The following PPP2R2C variants were observed in gnomAD, a reference collection of about 807,000 sequenced individuals.
PPP2R2C encodes protein phosphatase 2, regulatory subunit B, gamma.
PPP2R2C carries 10 observed loss-of-function variants against 45.3 expected under a neutral mutation model. That is an observed-to-expected ratio of 0.22 (90% CI 0.14 to 0.37). The LOEUF (loss-of-function observed/expected upper bound fraction) is 0.37. Ranked by LOEUF, PPP2R2C falls within the 10% of genes least tolerant of loss-of-function variation. The probability of loss-of-function intolerance (pLI) is 1.00; values close to 1 mark genes in which losing one functional copy is unlikely to be tolerated. For missense variants in PPP2R2C, 308 were observed against 619.7 expected, an observed-to-expected ratio of 0.50 and a Z score of 5.34; for synonymous variants, 257 against 245.4, an observed-to-expected ratio of 1.05 and a Z score of -0.44.
intron 1 of PPP2R2C, among the ~76,000 whole-genome samples, chr4:6,467,951 T>G (rs1236994370): frequency 1.3e-5 from 2 of 152,100 alleles, no homozygotes; most frequent in African/African-American, 4.8e-5. Context: ...CTCCCTACTT[T>G]CCACTCAACC....
intron 2 of PPP2R2C, among the ~76,000 whole-genome samples, chr4:6,523,281 A>C (rs542280586): frequency 6.6e-6 from 1 of 152,316 alleles, no homozygotes; most frequent in South Asian, 2.1e-4. Flanking sequence ...ACAAGACTTC[A>C]GAGTCAGGCC....
chr4:6,357,068 C>T (rs911585978), intron 5 of PPP2R2C, among the ~76,000 whole-genome samples: 2 of 149,768 alleles, frequency 1.3e-5, no homozygotes, highest in African/African-American at 4.9e-5. Context: ...CAGCGAGGTG[C>T]TGGGCAGGGA....
intron 2 of PPP2R2C, among the ~76,000 whole-genome samples, chr4:6,495,370 C>T (rs1014182677): frequency 1.1e-4 from 16 of 152,332 alleles, no homozygotes; most frequent in African/African-American, 1.4e-4. Context: ...CCAGCACCCA[C>T]GAAAACAGTG....
chr4:6,329,309 G>C lies in PPP2R2C; in HGVS notation c.1005C>G (p.Asn335Lys). 1.9e-6 allele frequency: 3 copies of C among 1,614,212 alleles called. No individual in the cohort carries two copies. The highest frequency in any genetic ancestry group is 1.7e-6 in the Non-Finnish European group (2 of 1,180,026). The change falls in exon 8 of 9, where the codon AAC becomes AAG. Residue 335 changes from asparagine (N) to lysine (K), a missense_variant. By Grantham distance (94) the Asn-to-Lys change is moderately conservative. Transcript: ENST00000382599. The surrounding 1 kb of genome is among the most constrained non-coding windows in gnomAD (Gnocchi z 5.8). ...ATTCAAACTTGTCGAAAATGCAGTC[G>C]TTCTCGTACAGGGAACAGAGCTTGC... ...LRSKLCSLYENDCIFDKFECA... is the reference protein window; with the variant it reads ...LRSKLCSLYEKDCIFDKFECA...
rs546978983 is a variant in PPP2R2C, at chr4:6,374,903, G to A, written c.447+916C>T. 2.0e-5 allele frequency among the ~76,000 whole-genome samples: 3 copies of A among 152,308 alleles called. No homozygotes were observed. The East Asian group carries it at 5.8e-4, about 29-fold the overall frequency. On this transcript the variant is annotated intron_variant, in intron 4 of 8. Coordinates refer to ENST00000382599, the MANE Select transcript of PPP2R2C (RefSeq NM_020416.4). ...CGTGGGTGAAATCGGAAGCAAACAA[G>A]GTGAGAGGCAGGATGAGGACAGACC...
chr4:6,354,290 C>T (rs1484403936), intron 5 of PPP2R2C, among the ~76,000 whole-genome samples: 2 of 152,010 alleles, frequency 1.3e-5, no homozygotes, highest in African/African-American at 4.8e-5. Context: ...CTCAGTCTCA[C>T]CTTGGCCGCT....
chr4:6,388,440 TAG>T lies in PPP2R2C; in HGVS notation c.71-7348_71-7347del, dbSNP rs200087727. ...CTATGAATGGGAACTTATTTGGAAA[TAG>T]AGTCTTTGCAGATGATCAAGTTAAG... On this transcript the variant is annotated intron_variant, in intron 1 of 8. Coordinates refer to ENST00000382599, the MANE Select transcript of PPP2R2C (RefSeq NM_020416.4). 6.6e-5 allele frequency among the ~76,000 whole-genome samples: 10 copies of T among 152,232 alleles called. 1 individual carries two copies. In the East Asian group the frequency reaches 1.9e-3, roughly 29 times the overall value.
chr4:6,543,932 G>A (rs1459110653), intron 1 of PPP2R2C, among the ~76,000 whole-genome samples: 3 of 152,100 alleles, frequency 2.0e-5, no homozygotes, highest in African/African-American at 2.4e-5. Context: ...TCTGACTTTC[G>A]GCCCCCGAGC....
At chr4:6,550,430 C>T (rs910849398) in intron 1 of PPP2R2C, among the ~76,000 whole-genome samples, 4 of 152,334 alleles carry the variant, frequency 2.6e-5, no homozygotes, top group South Asian at 2.1e-4. Context: ...CTGCACAGAA[C>T]TTCACCCTTC....
chr4:6,447,201 G>C (rs1392443500), intron 1 of PPP2R2C, among the ~76,000 whole-genome samples: 1 of 152,144 alleles, frequency 6.6e-6, no homozygotes, highest in Non-Finnish European at 1.5e-5. Flanking sequence ...GTGGGAGCAT[G>C]AAAGGGGAGC....
chr4:6,562,315 G>A (rs914312562), intron 1 of PPP2R2C, among the ~76,000 whole-genome samples: 52 of 152,258 alleles, frequency 3.4e-4, no homozygotes, highest in African/African-American at 1.2e-3. Flanking sequence ...ATGTCTTCCC[G>A]TGACAGTGTG....
intron 1 of PPP2R2C, among the ~76,000 whole-genome samples, chr4:6,392,575 G>A (rs1716723908): frequency 6.6e-6 from 1 of 152,212 alleles, no homozygotes; most frequent in Admixed American, 6.5e-5. Flanking sequence ...AAGGCCCTGA[G>A]GTAGGGTGAG....
chr4:6,363,086 C>A (rs1372342185), intron 5 of PPP2R2C, among the ~76,000 whole-genome samples: 1 of 152,140 alleles, frequency 6.6e-6, no homozygotes, highest in African/African-American at 2.4e-5. Flanking sequence ...CTGACCTCGA[C>A]GCAATGGCTC....
intron 5 of PPP2R2C, among the ~76,000 whole-genome samples, chr4:6,371,355 T>C (rs917305532): frequency 6.6e-6 from 1 of 152,162 alleles, no homozygotes; most frequent in African/African-American, 2.4e-5. Flanking sequence ...CAAAAGCCAT[T>C]TGTTACTCTC....
chr4:6,350,556 CGTT>C (rs1014377471), intron 5 of PPP2R2C: 31 of 985,284 alleles, frequency 3.1e-5, no homozygotes, highest in Admixed American at 2.5e-4. Context: ...CACTCATTCT[CGTT>C]GTATTTCCTG....
chr4:6,536,329 T>C (rs1198422095), intron 1 of PPP2R2C, among the ~76,000 whole-genome samples: 3 of 152,188 alleles, frequency 2.0e-5, no homozygotes, highest in Non-Finnish European at 4.4e-5. Context: ...TTCCTCACTA[T>C]GTAAAGAACT....
intron 3 of PPP2R2C, among the ~76,000 whole-genome samples, chr4:6,377,130 C>A (rs539644061): frequency 6.6e-6 from 1 of 152,338 alleles, no homozygotes; most frequent in South Asian, 2.1e-4. Context: ...GCAGAAGCTG[C>A]GCCTAGCCAT....
intron 1 of PPP2R2C, 152 bp downstream of exon 1, chr4:6,472,008 G>GA: frequency 1.0e-6 from 1 of 990,030 alleles, no homozygotes; most frequent in Non-Finnish European, 1.5e-6. Context: ...GGTGGGATGG[G>GA]ATGGGGTGGG....
chr4:6,415,142 G>A (rs1026625765), intron 1 of PPP2R2C, among the ~76,000 whole-genome samples: 1 of 152,218 alleles, frequency 6.6e-6, no homozygotes, highest in Non-Finnish European at 1.5e-5. Flanking sequence ...CCGCATGCTG[G>A]AGGACCTGCC....
Sources: allele counts gnomAD v4.1 joint callset (sites outside exome capture counted in the v4.1 genomes callset), GRCh38; gene constraint gnomAD v4.1.1; non-coding constraint Gnocchi (gnomAD v3.1); transcripts MANE v1.5; gene names NCBI Gene and HGNC (gene_info 2026-07-23, HGNC 2026-07-21).